PLA2G1B: variants seen among roughly 807,000 people sequenced by gnomAD.
The protein encoded by PLA2G1B is phospholipase A2 group IB, also known as phospholipase A2.
PLA2G1B carries 12 observed loss-of-function variants against 12.5 expected under a neutral mutation model. The observed-to-expected ratio is 0.96, with a 90% CI of 0.62 to 1.56. PLA2G1B has a LOEUF of 1.56. Among genes scored for constraint, PLA2G1B ranks in the 40% most tolerant of loss-of-function variants. The pLI is 0.00. For synonymous variants in PLA2G1B, 81 were observed against 73.4 expected (o/e 1.10, Z -0.53); for missense variants, 189 against 186.7 (o/e 1.01, Z -0.07).
chr12:120,324,978 TG>T lies in PLA2G1B; in HGVS notation c.277del (p.His93ThrfsTer81), dbSNP rs1873310032. On this transcript the variant is annotated frameshift_variant, in exon 3 of 4. Transcript: ENST00000308366. LOFTEE classifies it low-confidence loss of function (END_TRUNC). ...CKFLLDNPYT[H>X]TYSYSCSGSA... ...GCCAGAGCACGAGTATGAATAGGTG[TG>T]GGTGTACGGGTTGTCCAGCAGAAAT... 5 of 1,614,018 alleles carry T rather than the reference TG, an allele frequency of 3.1e-6. No homozygotes were observed. The highest frequency in any genetic ancestry group is 4.2e-6 in the Non-Finnish European group (5 of 1,179,980).
chr12:120,325,072 G>T lies in PLA2G1B; in HGVS notation c.195-11C>A. Reference sequence around the variant, plus strand: ...TGTGTCTGGCAGCACCTGGAAAGTGGGAGGGACAGCTGAGATAGGAGTAAG... The same window carrying T: ...TGTGTCTGGCAGCACCTGGAAAGTGTGAGGGACAGCTGAGATAGGAGTAAG... On this transcript the variant is annotated splice_polypyrimidine_tract_variant and intron_variant, in intron 2 of 3. Transcript: ENST00000308366. 1 of 1,613,932 alleles carries T rather than the reference G, an allele frequency of 6.2e-7. No homozygotes were observed. The highest frequency in any genetic ancestry group is 8.5e-7 in the Non-Finnish European group (1 of 1,179,966).
At chr12:120,325,287 C>T (rs750167438) in intron 2 of PLA2G1B, among the ~76,000 whole-genome samples, 3 of 151,720 alleles carry the variant, frequency 2.0e-5, no homozygotes, top group African/African-American at 4.8e-5. Flanking sequence ...AGCAGTGACA[C>T]GACCTTGGCT....
intron 3 of PLA2G1B, 135 bp from the exon 4 acceptor site, chr12:120,322,452 A>T: frequency 1.3e-6 from 1 of 751,196 alleles, no homozygotes; most frequent in Non-Finnish European, 2.2e-6. Context: ...TTAAGTGAAT[A>T]CAAGTACATC....
intron 3 of PLA2G1B, among the ~76,000 whole-genome samples, chr12:120,323,499 CAA>C (rs1246927699): frequency 6.6e-6 from 1 of 152,212 alleles, no homozygotes; most frequent in Non-Finnish European, 1.5e-5. Context: ...CTTCTCACCT[CAA>C]GTGATCCACC....
At chr12:120,325,768 C>T in intron 2 of PLA2G1B, 93 bp downstream of exon 2, 1 of 1,155,974 alleles carries the variant, frequency 8.7e-7, no homozygotes. Context: ...AGCAGATATG[C>T]AAGTCCCCTT....
At chr12:120,325,091 G>T in intron 2 of PLA2G1B, 30 bp from the exon 3 acceptor site, 1 of 1,613,398 alleles carries the variant, frequency 6.2e-7, no homozygotes, top group Non-Finnish European at 8.5e-7. Flanking sequence ...GCTGAGATAG[G>T]AGTAAGTGCA....
intron 3 of PLA2G1B, among the ~76,000 whole-genome samples, chr12:120,323,216 T>A (rs1170059174): frequency 6.6e-6 from 1 of 152,200 alleles, no homozygotes; most frequent in African/African-American, 2.4e-5. Flanking sequence ...TACGTATCTC[T>A]GCTTACCTTC....
intron 1 of PLA2G1B, among the ~76,000 whole-genome samples, chr12:120,326,501 T>A (rs962689608): frequency 8.0e-5 from 12 of 149,400 alleles, no homozygotes. Flanking sequence ...CTGCACTGTT[T>A]ATCCAGTGAA....
chr12:120,325,999 ATGCCGCTG>A lies in PLA2G1B; in HGVS notation c.48_55del (p.Ser17GlnfsTer20). 5 of 1,614,072 alleles carry A rather than the reference ATGCCGCTG, an allele frequency of 3.1e-6. No individual in the cohort carries two copies. Among genetic ancestry groups the A allele is most frequent in the Non-Finnish European group, 4.2e-6 (5 of 1,179,974 alleles). On this transcript the variant is annotated frameshift_variant, in exon 2 of 4. Coordinates refer to ENST00000308366, the MANE Select transcript of PLA2G1B (RefSeq NM_000928.3). LOFTEE classifies it high-confidence loss of function. ...GAACTGCCACACGGCCCGAGGGCTG[ATGCCGCTG>A]TCGGCGGCGGCCACTGCAAGAAGAC... is the stretch of plus-strand genomic sequence containing the variant.
At chr12:120,326,158 C>A (rs1430528739) in intron 1 of PLA2G1B, 138 bp from the exon 2 acceptor site, 1 of 716,208 alleles carries the variant, frequency 1.4e-6, no homozygotes, top group East Asian at 2.8e-5. Context: ...GACCCAGGAA[C>A]CTGGTAAAGT....
chr12:120,327,149 G>A (rs1322556686), intron 1 of PLA2G1B, among the ~76,000 whole-genome samples: 5 of 151,912 alleles, frequency 3.3e-5, no homozygotes. Flanking sequence ...GCATGGTGGT[G>A]TGTGCCAGCT....
chr12:120,325,789 G>C, intron 2 of PLA2G1B, 72 bp downstream of exon 2: 1 of 1,434,630 alleles, frequency 7.0e-7, no homozygotes, highest in Middle Eastern at 1.8e-4. Context: ...TGTATGCCTC[G>C]TGAGATCCTT....
intron 1 of PLA2G1B, among the ~76,000 whole-genome samples, chr12:120,326,494 C>T (rs901085224): frequency 1.3e-5 from 2 of 149,386 alleles, no homozygotes; most frequent in African/African-American, 4.9e-5. Context: ...AAACTATCTG[C>T]ACTGTTTATC....
intron 1 of PLA2G1B, 166 bp from the exon 2 acceptor site, chr12:120,326,186 T>G (rs1873344085): frequency 7.3e-6 from 3 of 413,718 alleles, no homozygotes; most frequent in East Asian, 4.1e-5. Context: ...GGTAGAGGTT[T>G]TTTTTTTTTT....
chr12:120,325,660 G>A (rs943750859), intron 2 of PLA2G1B, among the ~76,000 whole-genome samples: 1 of 152,202 alleles, frequency 6.6e-6, no homozygotes, highest in African/African-American at 2.4e-5. Context: ...TGTTTTGCAC[G>A]TCGGTCATTG....
chr12:120,322,233 G>A lies in PLA2G1B; in HGVS notation c.407C>T (p.Ala136Val), dbSNP rs377237459. The change falls in exon 4 of 4, where the codon GCA becomes GTA. Residue 136 changes from alanine to valine, a missense_variant. By Grantham distance (64) the Ala-to-Val change is moderately conservative (BLOSUM62 0). Transcript: ENST00000308366. ...ICFSKAPYNK[A>V]HKNLDTKKYC... The stretch of plus-strand genomic sequence containing the variant: ...CTTCTTGGTGTCCAGGTTCTTGTGT[G>A]CCTTGTTATATGGAGCTTTTGAAAA... 6 of 1,613,960 alleles carry A rather than the reference G, an allele frequency of 3.7e-6. No homozygotes were observed. Among genetic ancestry groups the A allele is most frequent in the Non-Finnish European group, 5.1e-6 (6 of 1,179,960 alleles).
intron 3 of PLA2G1B, 52 bp from the exon 4 acceptor site, chr12:120,322,369 C>A: frequency 6.5e-7 from 1 of 1,547,310 alleles, no homozygotes; most frequent in Non-Finnish European, 8.8e-7. Context: ...CTGTTTTGTA[C>A]AATCTGGGGC....
intron 2 of PLA2G1B, among the ~76,000 whole-genome samples, chr12:120,325,542 C>T (rs968867617): frequency 1.3e-5 from 2 of 152,070 alleles, no homozygotes; most frequent in Non-Finnish European, 2.9e-5. Flanking sequence ...CAGTAAAATC[C>T]TGTATTCAGA....
rs1303708181 is a variant in PLA2G1B, at chr12:120,325,956, G to A, written c.99C>T (p.Cys33=). Residue 33 remains cysteine, a synonymous_variant, in exon 2 of 4, where the codon TGC becomes TGT. Coordinates refer to ENST00000308366, the MANE Select transcript of PLA2G1B (RefSeq NM_000928.3). ...AGAAGGGGTCACTCCCCGGGATCAC[G>A]CACTTGATCATTTTGCGGAACTGCC... ...AVWQFRKMIK[C]VIPGSDPFLE... is the part of the protein sequence containing the mutation. The A allele has an allele frequency of 1.1e-5, 18 of 1,614,020 alleles. No homozygotes were observed. Among genetic ancestry groups the A allele is most frequent in the South Asian group, 5.5e-5 (5 of 91,092 alleles).
Sources: allele counts gnomAD v4.1 joint callset (sites outside exome capture counted in the v4.1 genomes callset), GRCh38; gene constraint gnomAD v4.1.1; transcripts MANE v1.5; gene names NCBI Gene and HGNC (gene_info 2026-07-23, HGNC 2026-07-21).